OGT: variants seen among roughly 807,000 people sequenced by gnomAD.
The protein encoded by OGT is UDP-N-acetylglucosamine--peptide N-acetylglucosaminyltransferase 110 kDa subunit.
OGT carries 3 observed loss-of-function variants against 75.8 expected under a neutral mutation model. The ratio of observed to expected loss-of-function variants is 0.04; its 90% confidence interval spans 0.02 to 0.10. OGT has a LOEUF of 0.10. OGT is among the 10% of genes least tolerant of loss of function. The pLI, the probability that OGT is intolerant of heterozygous loss-of-function variation, is 1.00. For synonymous variants in OGT, 257 were observed against 289.7 expected (o/e 0.89, Z 1.15); for missense variants, 260 against 824.4 (o/e 0.32, Z 8.38).
At chrX:71,563,631 C>T (rs913686008) in intron 18 of OGT, 132 bp downstream of exon 18, 15 of 503,992 alleles carry the variant, frequency 3.0e-5, no homozygotes, top group Admixed American at 8.5e-5. Flanking sequence ...TTAGTGGAAA[C>T]GTGCATCTTA....
In OGT at chrX:71,559,573, T is replaced by C. The variant is rs777349187; in HGVS notation, c.1762-15T>C. ...TGAGCCAATGTTATTAAATATGCCA[T>C]GTGCTGCCTTTCAGGTGTTCTGTTA... On this transcript the variant is annotated splice_polypyrimidine_tract_variant and intron_variant, in intron 13 of 21. Coordinates refer to ENST00000373719, the MANE Select transcript of OGT (RefSeq NM_181672.3). The C allele has an allele frequency of 9.2e-6, 11 of 1,197,280 alleles. No individual in the cohort carries two copies. The South Asian group carries it at 1.6e-4, about 18-fold the overall frequency.
chrX:71,559,786 A>G (rs917786634), intron 14 of OGT, 109 bp downstream of exon 14: 4 of 529,145 alleles, frequency 7.6e-6, no homozygotes, highest in Non-Finnish European at 9.2e-6. Context: ...AGTACCACAT[A>G]TAGGCAATTG....
chrX:71,555,131 A>ATT (rs2147682099), intron 6 of OGT, 59 bp from the exon 7 acceptor site: 4 of 711,564 alleles, frequency 5.6e-6, no homozygotes, highest in East Asian at 4.5e-5. Flanking sequence ...CATGAGTTAC[A>ATT]TTTTGTGTGT....
chrX:71,566,793 A>G (rs963630343), intron 19 of OGT, among the ~76,000 whole-genome samples: 1 of 112,636 alleles, frequency 8.9e-6, no homozygotes, highest in African/African-American at 3.2e-5. Context: ...AATGTGATAC[A>G]TACACACACA....
At chrX:71,557,693 T>A in intron 12 of OGT, 21 bp downstream of exon 12, 2 of 1,130,498 alleles carry the variant, frequency 1.8e-6, no homozygotes, top group South Asian at 2.1e-5. Context: ...TTTGTTTTAA[T>A]CTTTTTGTTG....
In OGT at chrX:71,562,901, A is replaced by G. The variant is rs753232761; in HGVS notation, c.2032A>G (p.Ile678Val). 2 of 1,206,191 alleles carry G rather than the reference A, an allele frequency of 1.7e-6. No homozygotes were observed. The highest frequency in any genetic ancestry group is 2.2e-6 in the Non-Finnish European group (2 of 892,564). The change falls in exon 16 of 22, where the codon ATC (isoleucine) becomes GTC (valine). Residue 678 changes from isoleucine to valine, a missense_variant. By Grantham distance (29) the Ile-to-Val change is conservative. Transcript: ENST00000373719. Reference sequence around the variant, plus strand: ...TGGTGCGCTTTTCATGGATTATATTATCACTGATCAGGAAACTTCGCCAGC... The same window carrying G: ...TGGTGCGCTTTTCATGGATTATATTGTCACTGATCAGGAAACTTCGCCAGC... Reference protein sequence around the residue: ...TSGALFMDYIITDQETSPAEV... With the variant: ...TSGALFMDYIVTDQETSPAEV...
intron 5 of OGT, among the ~76,000 whole-genome samples, chrX:71,549,054 C>T (rs2147676169): frequency 9.1e-6 from 1 of 109,826 alleles, no homozygotes; most frequent in East Asian, 2.8e-4. Flanking sequence ...TCTGTGATCC[C>T]AGTGCTTTGG....
At chrX:71,567,801 T>G in intron 20 of OGT, 49 bp downstream of exon 20, 4 of 1,146,142 alleles carry the variant, frequency 3.5e-6, no homozygotes, top group African/African-American at 1.8e-5. Context: ...TTTGAAAATC[T>G]CCGTTTGGGG....
At chrX:71,563,743 T>A (rs12833774) in intron 18 of OGT, among the ~76,000 whole-genome samples, 1 of 112,193 alleles carries the variant, frequency 8.9e-6, no homozygotes, top group Non-Finnish European at 1.9e-5. Context: ...TGCCTGTGGC[T>A]TTACTCTCTT....
At chrX:71,562,279 C>T (rs2040389823) in intron 15 of OGT, among the ~76,000 whole-genome samples, 1 of 112,588 alleles carries the variant, frequency 8.9e-6, no homozygotes, top group Non-Finnish European at 1.9e-5. Flanking sequence ...GCCTGGGCAA[C>T]AAAGCAAAAC....
chrX:71,568,695 G>A (rs2040431681), intron 21 of OGT, among the ~76,000 whole-genome samples: 1 of 110,769 alleles, frequency 9.0e-6, no homozygotes, highest in African/African-American at 3.3e-5. Flanking sequence ...GGGTGTGGTG[G>A]CATGTGCCTG....
intron 21 of OGT, among the ~76,000 whole-genome samples, chrX:71,570,419 C>T (rs772099632): frequency 1.8e-5 from 2 of 111,540 alleles, no homozygotes; most frequent in Non-Finnish European, 3.8e-5. Flanking sequence ...TAGCATATTA[C>T]ATAATAATTA....
At chrX:71,535,126 T>C (rs1433481281) in intron 1 of OGT, among the ~76,000 whole-genome samples, 1 of 92,272 alleles carries the variant, frequency 1.1e-5, no homozygotes, top group Non-Finnish European at 2.1e-5. Context: ...TGACAAGCAG[T>C]TTTTTTTTTT....
At chrX:71,542,476 T>C (rs142198113) in intron 3 of OGT, among the ~76,000 whole-genome samples, 8 of 112,254 alleles carry the variant, frequency 7.1e-5, no homozygotes, top group Non-Finnish European at 1.1e-4. Flanking sequence ...TAACTTGATA[T>C]AGTATACTGT....
intron 4 of OGT, chrX:71,547,065 G>A (rs2040265155): frequency 1.3e-6 from 1 of 753,492 alleles, no homozygotes. Context: ...TGCGCAGTGC[G>A]ATGCTGTTAG....
chrX:71,568,105 T>C lies in OGT; in HGVS notation c.2955T>C (p.Thr985=), dbSNP rs750454807. 1 of 1,193,641 alleles carries C rather than the reference T, an allele frequency of 8.4e-7. No homozygotes were observed. The highest frequency in any genetic ancestry group is 1.8e-5 in the African/African-American group (1 of 57,107). ...EYEDIAVKLG[T]DLEYLKKVRG... ...AAGACATAGCTGTGAAGCTGGGAAC[T>C]GATCTAGAATAGTAAGTAAACTTTT... is the stretch of plus-strand genomic sequence containing the variant. The change falls in exon 21 of 22, where the codon ACT becomes ACC. Residue 985 remains threonine, a synonymous_variant. Coordinates refer to ENST00000373719, the MANE Select transcript of OGT (RefSeq NM_181672.3).
intron 12 of OGT, 74 bp downstream of exon 12, chrX:71,557,746 G>T: frequency 1.1e-6 from 1 of 926,454 alleles, no homozygotes; most frequent in South Asian, 2.6e-5. Flanking sequence ...AATCAAATCT[G>T]TGGCTTAATG....
At chrX:71,547,743 C>G in intron 4 of OGT, 164 bp from the exon 5 acceptor site, 1 of 1,089,755 alleles carries the variant, frequency 9.2e-7, no homozygotes, top group Non-Finnish European at 1.2e-6. Flanking sequence ...AGTTTTGGCG[C>G]AAGCGAGCCT....
intron 20 of OGT, 77 bp from the exon 21 acceptor site, chrX:71,567,916 G>T: frequency 8.9e-7 from 1 of 1,120,761 alleles, no homozygotes; most frequent in Non-Finnish European, 1.2e-6. Context: ...GCGTTGTGTG[G>T]AGGCTTAACA....
Sources: allele counts gnomAD v4.1 joint callset (sites outside exome capture counted in the v4.1 genomes callset), GRCh38; gene constraint gnomAD v4.1.1; transcripts MANE v1.5; gene names NCBI Gene and HGNC (gene_info 2026-07-23, HGNC 2026-07-21).